The following ST6GALNAC3 variants were observed in gnomAD, a reference collection of about 807,000 sequenced individuals.
ST6GALNAC3 encodes alpha-N-acetylgalactosaminide alpha-2,6-sialyltransferase 3.
Under a neutral mutation model 32.7 loss-of-function variants are expected in ST6GALNAC3, and 25 were observed. That is an observed-to-expected ratio of 0.76 (90% confidence interval 0.56 to 1.07). The LOEUF (loss-of-function observed/expected upper bound fraction) is 1.07, where lower values mean the gene tolerates loss of function less well. Ranked by LOEUF, ST6GALNAC3 falls within the 50% of genes least tolerant of loss-of-function variation. ST6GALNAC3 has a pLI of 0.00. For missense variants in ST6GALNAC3, 355 were observed against 382.4 expected, an observed-to-expected ratio of 0.93 and a Z score of 0.60; for synonymous variants, 129 against 133.1, an observed-to-expected ratio of 0.97 and a Z score of 0.21.
intron 1 of ST6GALNAC3, among the ~76,000 whole-genome samples, chr1:76,130,460 C>T (rs1649537714): frequency 6.6e-6 from 1 of 152,184 alleles, no homozygotes; most frequent in African/African-American, 2.4e-5. Flanking sequence ...GTAAACTAGG[C>T]CATGCCTTCA....
intron 1 of ST6GALNAC3, among the ~76,000 whole-genome samples, chr1:76,099,447 C>A (rs1375467227): frequency 6.6e-6 from 1 of 152,130 alleles, no homozygotes; most frequent in Non-Finnish European, 1.5e-5. Context: ...TTGCTCCAAA[C>A]TGGAAACAAC....
At chr1:76,467,738 C>G (rs1348743682) in intron 3 of ST6GALNAC3, among the ~76,000 whole-genome samples, 1 of 151,716 alleles carries the variant, frequency 6.6e-6, no homozygotes, top group South Asian at 2.1e-4. Context: ...CTGTGCATTA[C>G]TAAAATAATT....
intron 3 of ST6GALNAC3, among the ~76,000 whole-genome samples, chr1:76,482,701 A>G (rs902497147): frequency 6.6e-6 from 1 of 152,182 alleles, no homozygotes; most frequent in Middle Eastern, 3.4e-3. Context: ...TAATTGCTCA[A>G]CTATGCTACT....
chr1:76,262,792 C>G (rs1267406989), intron 1 of ST6GALNAC3, among the ~76,000 whole-genome samples: 2 of 152,092 alleles, frequency 1.3e-5, no homozygotes, highest in African/African-American at 4.8e-5. Flanking sequence ...TGGATCTGTC[C>G]CTGGAGATTG....
At position 76,570,855 on chromosome 1, in the gene ST6GALNAC3, C is replaced by G. The variant is rs547980970; in HGVS notation, c.624-56597C>G. Among the ~76,000 whole-genome samples, 226 of 152,012 alleles carry G rather than the reference C, an allele frequency of 1.5e-3. 3 individuals are homozygous for G. The highest frequency in any genetic ancestry group is 5.1e-3 in the African/African-American group (212 of 41,490). Reference sequence around the variant, plus strand: ...TTCTTGGTACTCTCCTTTAATCGCTCAATGATTTCATACAGGCCCATGTCC... The same window carrying G: ...TTCTTGGTACTCTCCTTTAATCGCTGAATGATTTCATACAGGCCCATGTCC... On this transcript the variant is annotated intron_variant, in intron 3 of 4. Transcript: ENST00000328299.
intron 2 of ST6GALNAC3, among the ~76,000 whole-genome samples, chr1:76,402,901 T>C (rs1428191366): frequency 6.6e-6 from 1 of 152,102 alleles, no homozygotes; most frequent in South Asian, 2.1e-4. Context: ...CTAACTATAC[T>C]CTTAAATTAT....
intron 1 of ST6GALNAC3, among the ~76,000 whole-genome samples, chr1:76,239,155 A>G (rs548053940): frequency 6.6e-5 from 10 of 152,160 alleles, no homozygotes; most frequent in Non-Finnish European, 1.3e-4. Flanking sequence ...TGAAGGAAGA[A>G]TCTGAAGGGA....
At position 76,606,856 on chromosome 1, in the gene ST6GALNAC3, G is replaced by GTT. The variant is rs545990475; in HGVS notation, c.624-20580_624-20579dup. Among the ~76,000 whole-genome samples the GTT allele has an allele frequency of 8.7e-3, 1,181 of 136,460 alleles. 17 individuals are homozygous for GTT. The highest frequency in any genetic ancestry group is 0.028 in the African/African-American group (1,051 of 36,952). The allele number at this position is 136,460 out of a possible 152,430, so 89.5% of individuals were successfully genotyped here. ...ACAATTCTGGACACCAAATGTGTGG[G>GTT]TTTTTTTTTTTTTTTTTCATGCCGA... On this transcript the variant is annotated intron_variant, in intron 3 of 4. Coordinates refer to ENST00000328299, the MANE Select transcript of ST6GALNAC3 (RefSeq NM_152996.4).
intron 3 of ST6GALNAC3, among the ~76,000 whole-genome samples, chr1:76,625,631 G>A (rs1377860955): frequency 6.6e-6 from 1 of 151,888 alleles, no homozygotes; most frequent in Non-Finnish European, 1.5e-5. Flanking sequence ...TTTTTAAGCA[G>A]ATGGTGCTTT....
chr1:76,104,984 A>G (rs1452308971), intron 1 of ST6GALNAC3, among the ~76,000 whole-genome samples: 1 of 152,156 alleles, frequency 6.6e-6, no homozygotes, highest in Non-Finnish European at 1.5e-5. Flanking sequence ...TCCCTCCCAC[A>G]ACACGTGGGA....
chr1:76,401,640 G>A (rs940069807), intron 2 of ST6GALNAC3, among the ~76,000 whole-genome samples: 1 of 152,098 alleles, frequency 6.6e-6, no homozygotes, highest in African/African-American at 2.4e-5. Flanking sequence ...TCCTCCAGAG[G>A]AGATTTTTCT....
chr1:76,236,378 C>T (rs901928333), intron 1 of ST6GALNAC3, among the ~76,000 whole-genome samples: 1 of 152,138 alleles, frequency 6.6e-6, no homozygotes. Context: ...CATGACACCA[C>T]CTCACATGGT....
chr1:76,121,243 A>G (rs1477155769), intron 1 of ST6GALNAC3, among the ~76,000 whole-genome samples: 1 of 152,128 alleles, frequency 6.6e-6, no homozygotes, highest in Non-Finnish European at 1.5e-5. Flanking sequence ...TGCTTACTAC[A>G]AGGGATCACC....
intron 3 of ST6GALNAC3, among the ~76,000 whole-genome samples, chr1:76,435,341 AAT>A (rs1421924597): frequency 6.6e-6 from 1 of 152,202 alleles, no homozygotes; most frequent in Non-Finnish European, 1.5e-5. Flanking sequence ...CAAATGATTA[AAT>A]ATATGCATGT....
Position 76,099,140 on chromosome 1 carries a change from A to G in ST6GALNAC3, c.18+24256A>G, listed in dbSNP as rs1647178996. On this transcript the variant is annotated intron_variant, in intron 1 of 4. Transcript: ENST00000328299. ...GATCTATTTGTTCATTTTAATACCA[A>G]TGTCACACTGTAGTTTTTTATGATA... 2.0e-5 allele frequency among the ~76,000 whole-genome samples: 3 copies of G among 152,136 alleles called. No individual in the cohort carries two copies. In the South Asian group the frequency reaches 6.2e-4, roughly 32 times the overall value.
intron 3 of ST6GALNAC3, among the ~76,000 whole-genome samples, chr1:76,458,908 A>T (rs181359775): frequency 6.6e-6 from 1 of 152,160 alleles, no homozygotes; most frequent in East Asian, 1.9e-4. Context: ...AAAAAAAAAG[A>T]AAAAAGGAAA....
chr1:76,619,770 TA>T, intron 3 of ST6GALNAC3, among the ~76,000 whole-genome samples: 1 of 152,264 alleles, frequency 6.6e-6, no homozygotes, highest in South Asian at 2.1e-4. Flanking sequence ...TGTACCAGGT[TA>T]GGGGATAGAT....
At chr1:76,497,513 C>T (rs961416399) in intron 3 of ST6GALNAC3, among the ~76,000 whole-genome samples, 6 of 152,202 alleles carry the variant, frequency 3.9e-5, no homozygotes, top group African/African-American at 1.4e-4. Context: ...TATTCACTTT[C>T]ACTGAGATGA....
chr1:76,091,145 C>A (rs115686378), intron 1 of ST6GALNAC3, among the ~76,000 whole-genome samples: 4,804 of 152,272 alleles, frequency 0.032, 103 homozygotes, highest in Admixed American at 0.052. Flanking sequence ...TGGCCCCAGA[C>A]CATATTCTGT....
Sources: allele counts gnomAD v4.1 joint callset (sites outside exome capture counted in the v4.1 genomes callset), GRCh38; gene constraint gnomAD v4.1.1; transcripts MANE v1.5; gene names NCBI Gene and HGNC (gene_info 2026-07-23, HGNC 2026-07-21).